HSP90AA1: variants seen among roughly 807,000 people sequenced by gnomAD.
The protein encoded by HSP90AA1 is heat shock protein HSP 90-alpha.
A neutral mutation model predicts 73.3 loss-of-function variants in HSP90AA1; 18 were observed. That is an observed-to-expected ratio of 0.25 (90% CI 0.17 to 0.36). The LOEUF (loss-of-function observed/expected upper bound fraction) is 0.36, where lower values mean the gene tolerates loss of function less well. Among genes scored for constraint, HSP90AA1 ranks in the 10% least tolerant of loss-of-function variants. The pLI, the probability that HSP90AA1 is intolerant of heterozygous loss-of-function variation, is 1.00. For synonymous variants in HSP90AA1, 477 were observed against 296.9 expected, an observed-to-expected ratio of 1.61 and a Z score of -6.24; for missense variants, 704 against 874.2, an observed-to-expected ratio of 0.81 and a Z score of 2.45.
chr14:102,112,452 G>C (rs1230160465), intron 1 of HSP90AA1, among the ~76,000 whole-genome samples: 1 of 152,128 alleles, frequency 6.6e-6, no homozygotes, highest in African/African-American at 2.4e-5. Flanking sequence ...GGGGTTACGG[G>C]CGTGAGCCAC....
Position 102,081,071 on chromosome 14 carries a change from T to C in HSP90AA1, c.*641A>G, listed in dbSNP as rs1054680467. On this transcript the variant is annotated 3_prime_UTR_variant, in exon 11 of 11. Coordinates refer to ENST00000216281, the MANE Select transcript of HSP90AA1 (RefSeq NM_005348.4). ...TATCTTTTAACTCATCTGTATTTGT[T>C]ACAACTTTAAGCAGAATGTGACTCG... The C allele has an allele frequency of 1.3e-5, 3 of 228,128 alleles. No individual in the cohort carries two copies. Among genetic ancestry groups the C allele is most frequent in the African/African-American group, 6.7e-5 (3 of 45,010 alleles). The allele number at this position is 228,128 out of a possible 1,614,324, so 14.1% of individuals were successfully genotyped here.
chr14:102,103,168 G>A (rs776658717), intron 1 of HSP90AA1, among the ~76,000 whole-genome samples: 13 of 124,386 alleles, frequency 1.0e-4, no homozygotes, highest in Non-Finnish European at 1.9e-4. Context: ...GCAGCAGAGC[G>A]AGACTCAGTC....
chr14:102,083,395 G>A (rs1486223526), intron 8 of HSP90AA1, 93 bp from the exon 9 acceptor site: 3 of 1,476,588 alleles, frequency 2.0e-6, no homozygotes, highest in South Asian at 2.3e-5. Context: ...TACCTAGGCA[G>A]AACCTAAGAC....
At chr14:102,096,002 A>G (rs1458480891) in intron 2 of HSP90AA1, among the ~76,000 whole-genome samples, 1 of 151,952 alleles carries the variant, frequency 6.6e-6, no homozygotes, top group African/African-American at 2.4e-5. Context: ...CCTGCAACAC[A>G]CACCTTCCTT....
intron 1 of HSP90AA1, among the ~76,000 whole-genome samples, chr14:102,130,627 T>G (rs554794987): frequency 6.6e-6 from 1 of 152,334 alleles, no homozygotes; most frequent in Non-Finnish European, 1.5e-5. Context: ...TCTCTTTTTT[T>G]GACAGGGTCT....
At chr14:102,127,941 C>A (rs1260615007) in intron 1 of HSP90AA1, among the ~76,000 whole-genome samples, 1 of 152,100 alleles carries the variant, frequency 6.6e-6, no homozygotes, top group Non-Finnish European at 1.5e-5. Context: ...GCCACCACAC[C>A]AGCCATGTTT....
At chr14:102,102,117 C>CA (rs1175372970) in intron 1 of HSP90AA1, 2 of 1,576,828 alleles carry the variant, frequency 1.3e-6, no homozygotes, top group African/African-American at 2.7e-5. Context: ...TCTGGACTTC[C>CA]AAACCAAACA....
In HSP90AA1 at chr14:102,084,929, T is replaced by C. The variant is rs1555361906; in HGVS notation, c.733A>G (p.Lys245Glu). Residue 245 changes from lysine (K) to glutamate (E), a missense_variant, in exon 5 of 11, where the codon AAA becomes GAA. By Grantham distance (56) the Lys-to-Glu change is moderately conservative (BLOSUM62 1). Coordinates refer to ENST00000216281, the MANE Select transcript of HSP90AA1 (RefSeq NM_005348.4). ...TCCGACTCTTTCTCTTCTTTTTCTT[T>C]TTCTTCTTCTTTGTCTTCCTTTTCT... is the stretch of plus-strand genomic sequence containing the variant. ...AEEKEDKEEE[K>E]EKEEKESEDK... 1.8e-5 allele frequency: 29 copies of C among 1,593,664 alleles called. No homozygotes were observed. The South Asian group carries it at 2.3e-4, about 13-fold the overall frequency.
chr14:102,127,948 G>A (rs1488333160), intron 1 of HSP90AA1, among the ~76,000 whole-genome samples: 1 of 152,074 alleles, frequency 6.6e-6, no homozygotes, highest in East Asian at 1.9e-4. Context: ...CACCAGCCAT[G>A]TTTTGTTTTT....
At chr14:102,100,391 C>A (rs140116826) in intron 2 of HSP90AA1, among the ~76,000 whole-genome samples, 2,124 of 150,894 alleles carry the variant, frequency 0.014, 64 homozygotes, top group African/African-American at 0.049. Context: ...CAGAGTGAGA[C>A]CCTGTCTCAA....
upstream of HSP90AA1, among the ~76,000 whole-genome samples, chr14:102,088,737 C>T (rs370771978): frequency 6.6e-5 from 10 of 152,154 alleles, no homozygotes; most frequent in African/African-American, 2.4e-4. Context: ...GCAAGGTCTT[C>T]CCTGGCGACT....
chr14:102,087,264 C>A (rs1476821154), upstream of HSP90AA1: 11 of 559,180 alleles, frequency 2.0e-5, no homozygotes, highest in Non-Finnish European at 2.5e-5. Flanking sequence ...TTCCCTCAAT[C>A]GCCGCCGCGC....
chr14:102,138,877 G>C (rs1238997798), intron 1 of HSP90AA1, among the ~76,000 whole-genome samples: 4 of 152,020 alleles, frequency 2.6e-5, no homozygotes, highest in Non-Finnish European at 5.9e-5. Context: ...TATAAATCTA[G>C]ACCCTGTACA....
chr14:102,088,739 C>T (rs1458423210), upstream of HSP90AA1, among the ~76,000 whole-genome samples: 3 of 152,064 alleles, frequency 2.0e-5, no homozygotes, highest in African/African-American at 7.2e-5. Context: ...AAGGTCTTCC[C>T]TGGCGACTGC....
At chr14:102,102,078 G>T in exon 2 of HSP90AA1, 3 of 1,613,694 alleles carry the variant, frequency 1.9e-6, no homozygotes, top group Non-Finnish European at 2.5e-6. Context: ...CAGTTAACAG[G>T]TGCCCTGCTG....
upstream of HSP90AA1, among the ~76,000 whole-genome samples, chr14:102,088,284 C>T (rs2049297335): frequency 6.6e-6 from 1 of 152,194 alleles, no homozygotes; most frequent in African/African-American, 2.4e-5. Context: ...CCTGCCTAGT[C>T]CATGTCCTCT....
In HSP90AA1 at chr14:102,082,242, T is replaced by C; in HGVS notation, c.1958A>G (p.Asp653Gly). 1 of 1,613,996 alleles carries C rather than the reference T, an allele frequency of 6.2e-7. No homozygotes were observed. The highest frequency in any genetic ancestry group is 8.5e-7 in the Non-Finnish European group (1 of 1,179,856). Residue 653 changes from aspartate (D) to glycine (G), a missense_variant, in exon 10 of 11, where the codon GAT (aspartate) becomes GGT (glycine). By Grantham distance (94) the Asp-to-Gly change is moderately conservative. Transcript: ENST00000216281. The part of the protein sequence containing the change: ...IETLRQKAEA[D>G]KNDKSVKDLV... The stretch of plus-strand genomic sequence containing the variant: ...ATCCTTCACAGACTTGTCGTTCTTA[T>C]CAGCCTCTGCCTTTTGCCTTAAGGT...
chr14:102,085,975 G>A lies in HSP90AA1; in HGVS notation c.312C>T (p.Ile104=), dbSNP rs758231366. 4 of 1,613,874 alleles carry A rather than the reference G, an allele frequency of 2.5e-6. No homozygotes were observed. The highest frequency in any genetic ancestry group is 4.5e-5 in the East Asian group (2 of 44,890). The change falls in exon 3 of 11, where the codon ATC becomes ATT. Residue 104 remains isoleucine (I), a synonymous_variant. Transcript: ENST00000216281. ...ACTTGGCGATAGTACCAAGGTTATT[G>A]ATCAAGTCAGCCTTGGTCATTCCAA... ...TGIGMTKADL[I]NNLGTIAKSG...
chr14:102,122,344 G>C (rs944037168), intron 1 of HSP90AA1, among the ~76,000 whole-genome samples: 10 of 147,048 alleles, frequency 6.8e-5, no homozygotes, highest in African/African-American at 2.3e-4. Flanking sequence ...GCAGTGGTGT[G>C]ATCTTGGCTC....
Sources: gnomAD v4.1 joint callset for allele counts (sites outside exome capture counted in the v4.1 genomes callset) on GRCh38, gnomAD v4.1.1 for gene constraint, MANE v1.5 for transcripts, NCBI Gene and HGNC (gene_info 2026-07-23, HGNC 2026-07-21) for gene names.